Variants in BAHCC1 observed in about 807,000 individuals in gnomAD.
The protein encoded by BAHCC1 is BAH and coiled-coil domain-containing protein 1.
BAHCC1 carries 43 observed loss-of-function variants against 88.2 expected under a neutral mutation model. The ratio of observed to expected loss-of-function variants is 0.49; its 90% CI spans 0.38 to 0.63. The LOEUF (loss-of-function observed/expected upper bound fraction) is 0.63, where lower values mean the gene tolerates loss of function less well. Ranked by LOEUF, BAHCC1 falls within the 20% of genes least tolerant of loss-of-function variation. The probability of loss-of-function intolerance (pLI) is 0.00; values close to 1 mark genes in which losing one functional copy is unlikely to be tolerated. For missense variants in BAHCC1, 3,023 were observed against 1,654.8 expected (o/e 1.83, Z -14.34); for synonymous variants, 1,510 against 745.5 (o/e 2.03, Z -16.71).
rs782315551 is a variant in BAHCC1 at position 81,447,221 on chromosome 17, C to A, written c.3349C>A (p.Pro1117Thr). 4.0e-6 allele frequency: 3 copies of A among 742,522 alleles called. No individual in the cohort carries two copies. Among genetic ancestry groups the A allele is most frequent in the East Asian group, 2.4e-5 (1 of 40,854 alleles). 46.0% of individuals were successfully genotyped at this position (742,522 alleles called of 1,614,324 possible). Residue 1117 changes from proline to threonine, a missense_variant, in exon 11 of 28, where the codon CCC (proline) becomes ACC (threonine). Coordinates refer to ENST00000675386, the MANE Select transcript of BAHCC1 (RefSeq NM_001377448.1). Reference protein sequence around the residue: ...PPCSPRSLEEPGLLSGAREAT... With the variant: ...PPCSPRSLEETGLLSGAREAT... ...CTGCAGCCCCAGGAGCCTGGAGGAG[C>A]CCGGGCTGCTCTCAGGGGCCAGGGA...
intron 5 of BAHCC1, 88 bp from the exon 6 acceptor site, chr17:81,443,721 C>G (rs2143525429): frequency 1.5e-6 from 1 of 676,532 alleles, no homozygotes; most frequent in East Asian, 2.7e-5. Context: ...TCAGGCCCCC[C>G]AGCTCGAAGC....
At chr17:81,433,147 G>C (rs2143453115) in intron 3 of BAHCC1, among the ~76,000 whole-genome samples, 1 of 151,844 alleles carries the variant, frequency 6.6e-6, no homozygotes, top group African/African-American at 2.4e-5. Flanking sequence ...AAGAGGCTGA[G>C]CTTCTGAAGC....
chr17:81,444,138 G>C, intron 6 of BAHCC1: 1 of 602,308 alleles, frequency 1.7e-6, no homozygotes, highest in South Asian at 2.0e-5. Context: ...CCCACTTTCA[G>C]GGGCCAGGAG....
intron 2 of BAHCC1, chr17:81,413,070 C>A: frequency 4.7e-6 from 2 of 422,108 alleles, no homozygotes; most frequent in Non-Finnish European, 9.5e-6. Flanking sequence ...ACACCAAGCG[C>A]CAATTACATA....
chr17:81,417,677 A>T (rs575722116), intron 2 of BAHCC1, among the ~76,000 whole-genome samples: 5 of 151,578 alleles, frequency 3.3e-5, no homozygotes, highest in Non-Finnish European at 5.9e-5. Flanking sequence ...TCCTGTCATC[A>T]TCACCTCCGG....
At chr17:81,432,586 TCCAGCCCTGGA>T (rs2064275530) in intron 3 of BAHCC1, among the ~76,000 whole-genome samples, 8 of 17,004 alleles carry the variant, frequency 4.7e-4, no homozygotes, top group African/African-American at 1.6e-3. Context: ...CACCCTCCCC[TCCAGCCCTGGA>T]CCCAACCTCC....
chr17:81,405,394 T>C (rs1598450892), intron 2 of BAHCC1, among the ~76,000 whole-genome samples: 1 of 152,248 alleles, frequency 6.6e-6, no homozygotes, highest in South Asian at 2.1e-4. Flanking sequence ...AGCAGATGTT[T>C]ATATATAGCC....
At chr17:81,441,193 G>C (rs782053363) in intron 4 of BAHCC1, among the ~76,000 whole-genome samples, 25 of 152,216 alleles carry the variant, frequency 1.6e-4, no homozygotes, top group Non-Finnish European at 1.9e-4. Flanking sequence ...TGAACATGGG[G>C]GCAGAGGGTG....
Position 81,401,888 on chromosome 17 carries a change from C to T in BAHCC1, c.178+1971C>T, listed in dbSNP as rs1403866587. ...AGGTCCAGGCCAGCTGCATTCTCCC[C>T]CTTCTGCCCTTACTTCCAGGTCTAG... On this transcript the variant is annotated intron_variant, in intron 2 of 27. Transcript: ENST00000675386. 7 of 152,530 alleles carry T rather than the reference C, an allele frequency of 4.6e-5. No homozygotes were observed. In the East Asian group the frequency reaches 1.2e-3, roughly 25 times the overall value. The allele number at this position is 152,530 out of a possible 1,614,324, so 9.4% of individuals were successfully genotyped here.
At chr17:81,440,147 C>T (rs979539119) in intron 4 of BAHCC1, among the ~76,000 whole-genome samples, 2 of 152,222 alleles carry the variant, frequency 1.3e-5, no homozygotes, top group Admixed American at 1.3e-4. Context: ...TGGACGGGCT[C>T]TGCTGCCCAG....
At chr17:81,433,887 T>C (rs1555651348) in intron 3 of BAHCC1, among the ~76,000 whole-genome samples, 1 of 152,220 alleles carries the variant, frequency 6.6e-6, no homozygotes, top group African/African-American at 2.4e-5. Flanking sequence ...GCACTGCACC[T>C]GAAACCCACT....
intron 2 of BAHCC1, among the ~76,000 whole-genome samples, chr17:81,423,905 A>G (rs1422117311): frequency 6.6e-6 from 1 of 152,004 alleles, no homozygotes; most frequent in Non-Finnish European, 1.5e-5. Flanking sequence ...GGGGCTCACC[A>G]TTTCCCACAC....
chr17:81,418,810 C>CGTGTGTGTGTACGTGT (rs2064074713), intron 2 of BAHCC1, among the ~76,000 whole-genome samples: 3 of 146,332 alleles, frequency 2.1e-5, no homozygotes, highest in Non-Finnish European at 4.5e-5. Context: ...TGTGTGTGTA[C>CGTGTGTGTGTACGTGT]GTGTGTGTGT....
At chr17:81,417,925 G>A (rs1467512656) in intron 2 of BAHCC1, among the ~76,000 whole-genome samples, 6 of 152,162 alleles carry the variant, frequency 3.9e-5, no homozygotes, top group Non-Finnish European at 8.8e-5. Flanking sequence ...CCCCTCCCTC[G>A]CTGCCCCCAC....
In BAHCC1 at chr17:81,434,071, G is replaced by A. The variant is rs533369044; in HGVS notation, c.359-4299G>A. ...CCACTTGCCAGGCCAGGGGTCTCCCGGGACTCCCCTGGGGTCACTGTGGGG... is the reference window on the plus strand; with the variant it reads ...CCACTTGCCAGGCCAGGGGTCTCCCAGGACTCCCCTGGGGTCACTGTGGGG... On this transcript the variant is annotated intron_variant, in intron 3 of 27. Coordinates refer to ENST00000675386, the MANE Select transcript of BAHCC1 (RefSeq NM_001377448.1). This position sits in a 1 kb window ranked among gnomAD's most constrained non-coding sequence, Gnocchi z 4.9. 1.4e-4 allele frequency among the ~76,000 whole-genome samples: 21 copies of A among 152,292 alleles called. No homozygotes were observed. The highest frequency in any genetic ancestry group is 1.0e-3 in the South Asian group (5 of 4,820).
Position 81,441,705 on chromosome 17 carries a change from C to T in BAHCC1, c.482-126C>T, listed in dbSNP as rs1437971829. Reference sequence around the variant, plus strand: ...AAAAAAAAAAAGAGCAAAAACCTTCCCTAGGCTGTAACCTGGAGTCAGTGC... The same window carrying T: ...AAAAAAAAAAAGAGCAAAAACCTTCTCTAGGCTGTAACCTGGAGTCAGTGC... On this transcript the variant is annotated intron_variant, in intron 4 of 27. Transcript: ENST00000675386. The T allele has an allele frequency of 2.8e-5, 13 of 468,160 alleles. No individual in the cohort carries two copies. The East Asian group carries it at 3.4e-4, about 12-fold the overall frequency. 29.0% of individuals were successfully genotyped at this position (468,160 alleles called of 1,614,324 possible).
intron 14 of BAHCC1, among the ~76,000 whole-genome samples, chr17:81,453,539 T>G (rs1356208131): frequency 6.6e-6 from 1 of 152,160 alleles, no homozygotes; most frequent in Non-Finnish European, 1.5e-5. Flanking sequence ...GCAGAGAAGG[T>G]TACGGGGAGG....
rs1555659015 is a variant in BAHCC1, at chr17:81,460,865, G to A, written c.6203-1G>A. 1 of 766,470 alleles carries A rather than the reference G, an allele frequency of 1.3e-6. No homozygotes were observed. The highest frequency in any genetic ancestry group is 1.7e-5 in the Admixed American group (1 of 59,046). The allele number at this position is 766,470 out of a possible 1,614,324, so 47.5% of individuals were successfully genotyped here. A position where few individuals can be genotyped will look rare whatever the true frequency, so the allele number is the denominator to read the frequency against. On this transcript the variant is annotated splice_acceptor_variant, in intron 25 of 27. Coordinates refer to ENST00000675386, the MANE Select transcript of BAHCC1 (RefSeq NM_001377448.1). LOFTEE classifies it high-confidence loss of function. ...TGACTCTGCTGGGCTTTTGCCCTCA[G>A]GTAAAGCCGAACTCCTAACCTCAGG...
chr17:81,453,337 A>G (rs1404312460), intron 14 of BAHCC1, among the ~76,000 whole-genome samples: 1 of 152,224 alleles, frequency 6.6e-6, no homozygotes, highest in African/African-American at 2.4e-5. Context: ...CTCGGCTACA[A>G]ATTGCCTCTC....
Sources: gnomAD v4.1 joint callset for allele counts (sites outside exome capture counted in the v4.1 genomes callset) on GRCh38, gnomAD v4.1.1 for gene constraint, Gnocchi (gnomAD v3.1) non-coding constraint, MANE v1.5 for transcripts, NCBI Gene and HGNC (gene_info 2026-07-23, HGNC 2026-07-21) for gene names.